The following AP3D1 variants were observed in gnomAD, a reference collection of about 807,000 sequenced individuals.
AP3D1 encodes the protein AP-3 complex subunit delta-1.
AP3D1 carries 51 observed loss-of-function variants against 147.6 expected under a neutral mutation model. The observed-to-expected ratio is 0.35, with a 90% confidence interval of 0.28 to 0.44. The LOEUF (loss-of-function observed/expected upper bound fraction) is 0.44. Ranked by LOEUF, AP3D1 falls within the 20% of genes least tolerant of loss-of-function variation. AP3D1 has a pLI of 1.00. For missense variants in AP3D1, 1,421 were observed against 1,624.2 expected (o/e 0.87, Z 2.15); for synonymous variants, 760 against 663.0 (o/e 1.15, Z -2.25).
Position 2,108,752 on chromosome 19 carries a change from C to T in AP3D1, c.3487G>A (p.Asp1163Asn). 1 of 1,571,378 alleles carries T rather than the reference C, an allele frequency of 6.4e-7. No individual in the cohort carries two copies. The highest frequency in any genetic ancestry group is 8.6e-7 in the Non-Finnish European group (1 of 1,158,596). ...CGGCTGTACATGGAGGCGCAGGAGT[C>T]CACTCGCTCCACAACTGCAACAGAG... Reference protein sequence around the residue: ...HHHFSVVERVDSCASMYSRSI... With the variant: ...HHHFSVVERVNSCASMYSRSI... The change falls in exon 31 of 32, where the codon GAC (aspartate) becomes AAC (asparagine). Residue 1163 changes from aspartate (D) to asparagine (N), a missense_variant. Asp to Asn is a conservative substitution (Grantham distance 23). Coordinates refer to ENST00000643116, the MANE Select transcript of AP3D1 (RefSeq NM_001261826.3).
Position 2,111,732 on chromosome 19 carries a change from C to G in AP3D1, c.2884G>C (p.Glu962Gln). The change falls in exon 25 of 32, where the codon GAG becomes CAG. Residue 962 changes from glutamate to glutamine, a missense_variant. Physicochemically the swap from Glu to Gln is conservative, Grantham distance 29. Coordinates refer to ENST00000643116, the MANE Select transcript of AP3D1 (RefSeq NM_001261826.3). ...KSKKQPPGSEEAAGEPVQNGA... is the reference protein window; with the variant it reads ...KSKKQPPGSEQAAGEPVQNGA... ...TTCTGCACCGGCTCCCCCGCTGCCT[C>G]CTCGCTGCCTGGAGGCTGCTTCTTG... 1 of 1,606,756 alleles carries G rather than the reference C, an allele frequency of 6.2e-7. No individual in the cohort carries two copies.
At chr19:2,108,653 G>A (rs891746338) in intron 31 of AP3D1, 34 bp downstream of exon 31, 32 of 1,551,912 alleles carry the variant, frequency 2.1e-5, no homozygotes, top group Non-Finnish European at 2.6e-5. Flanking sequence ...AGAGGTGGCA[G>A]GAGCCAGGGT....
intron 4 of AP3D1, among the ~76,000 whole-genome samples, chr19:2,133,732 G>C (rs1018652464): frequency 6.6e-6 from 1 of 151,506 alleles, no homozygotes; most frequent in Non-Finnish European, 1.5e-5. Flanking sequence ...TTGAACTCTT[G>C]ATCTCATGAT....
intron 26 of AP3D1, 71 bp downstream of exon 26, chr19:2,111,214 G>A (rs1401892973): frequency 8.2e-6 from 13 of 1,583,122 alleles, no homozygotes; most frequent in South Asian, 2.2e-5. Flanking sequence ...GGGGCTGCCC[G>A]GGTTCCGCGC....
In AP3D1 at chr19:2,160,490, C is replaced by T. The variant is rs886091284; in HGVS notation, c.-103+3866G>A. On this transcript the variant is annotated intron_variant, in intron 1 of 14. Transcript: ENST00000643010. ...CGGGGGTTGCAGTAAGCCAAGATCA[C>T]ACCATTGCACTTTAGCCTAATGACA... Among the ~76,000 whole-genome samples, 4 of 152,080 alleles carry T rather than the reference C, an allele frequency of 2.6e-5. No individual in the cohort carries two copies. In the East Asian group the frequency reaches 7.8e-4, roughly 29 times the overall value.
rs892592454 is a variant in AP3D1 at position 2,111,824 on chromosome 19, G to A, written c.2792C>T (p.Ser931Phe). Residue 931 changes from serine (S) to phenylalanine (F), a missense_variant, in exon 25 of 32, where the codon TCT becomes TTT. This residue lies in a region of AP3D1 where 791 missense variants were observed against 761.4 expected (regional missense o/e 1.04). Transcript: ENST00000643116. The stretch of plus-strand genomic sequence containing the variant: ...GTGCTTCTTCTTCTTAGGCTTGGGA[G>A]ATTTCTGGAGCAAGAGGAGGGTCGG... ...DAEGQDQDKK[S>F]PKPKKKKHRK... 8 of 1,613,798 alleles carry A rather than the reference G, an allele frequency of 5.0e-6. No homozygotes were observed. Among genetic ancestry groups the A allele is most frequent in the Non-Finnish European group, 6.8e-6 (8 of 1,179,968 alleles).
At chr19:2,114,386 G>A (rs948733151) in intron 21 of AP3D1, 84 bp from the exon 22 acceptor site, 24 of 1,169,654 alleles carry the variant, frequency 2.1e-5, no homozygotes, top group Middle Eastern at 2.0e-4. Flanking sequence ...CCAAGCATGT[G>A]GCAGTGCGGG....
intron 7 of AP3D1, 54 bp downstream of exon 7, chr19:2,129,264 G>A (rs898108485): frequency 1.4e-5 from 23 of 1,597,278 alleles, no homozygotes; most frequent in Non-Finnish European, 1.8e-5. Flanking sequence ...CCCACACAGG[G>A]TGAGGGAATG....
In AP3D1 at chr19:2,137,568, A is replaced by T. The variant is rs533578933; in HGVS notation, c.273+159T>A. On this transcript the variant is annotated intron_variant, in intron 3 of 31. Coordinates refer to ENST00000643116, the MANE Select transcript of AP3D1 (RefSeq NM_001261826.3). ...CAACCTCAGGTGATCCGCCTGTCTC[A>T]GCCTCCCAAAGTGCTGGGATTACAG... is the stretch of plus-strand genomic sequence containing the variant. Among the ~76,000 whole-genome samples, 3 of 152,226 alleles carry T rather than the reference A, an allele frequency of 2.0e-5. No homozygotes were observed. In the East Asian group the frequency reaches 5.8e-4, roughly 29 times the overall value.
In AP3D1 at chr19:2,161,451, C is replaced by T. The variant is rs551069522; in HGVS notation, c.-103+2905G>A. Among the ~76,000 whole-genome samples, 7 of 152,074 alleles carry T rather than the reference C, an allele frequency of 4.6e-5. No individual in the cohort carries two copies. The South Asian group carries it at 8.3e-4, about 18-fold the overall frequency. ...TGCTGGGATTACAGGCGTGAGTCAC[C>T]GCTCCTGGCTGTCTGGGCCTGATAA... On this transcript the variant is annotated intron_variant, in intron 1 of 14. Coordinates refer to the AP3D1 transcript ENST00000643010.
At chr19:2,115,461 G>A (rs2018419198) in intron 19 of AP3D1, 43 bp from the exon 20 acceptor site, 2 of 1,607,950 alleles carry the variant, frequency 1.2e-6, no homozygotes, top group Non-Finnish European at 1.7e-6. Context: ...TGCACCCCAG[G>A]GGCTCACGGG....
Position 2,115,520 on chromosome 19 carries a change from C to G in AP3D1, c.2149+18G>C. 1 of 1,612,218 alleles carries G rather than the reference C, an allele frequency of 6.2e-7. No individual in the cohort carries two copies. Among genetic ancestry groups the G allele is most frequent in the Admixed American group, 1.7e-5 (1 of 59,922 alleles). On this transcript the variant is annotated intron_variant, in intron 19 of 31. Coordinates refer to ENST00000643116, the MANE Select transcript of AP3D1 (RefSeq NM_001261826.3). ...GCCCATGTGACAAATGCGGCGCCGACACACCGGAGACACTTGCCTGGAACC... is the reference window on the plus strand; with the variant it reads ...GCCCATGTGACAAATGCGGCGCCGAGACACCGGAGACACTTGCCTGGAACC...
chr19:2,128,356 C>G (rs921306093), intron 8 of AP3D1, among the ~76,000 whole-genome samples: 1 of 152,126 alleles, frequency 6.6e-6, no homozygotes, highest in Non-Finnish European at 1.5e-5. Flanking sequence ...CTACAGGCTT[C>G]CAGTCTAGGA....
Position 2,123,452 on chromosome 19 carries a change from G to C in AP3D1, c.907-46C>G. 3 of 1,601,502 alleles carry C rather than the reference G, an allele frequency of 1.9e-6. 1 individual carries two copies. The South Asian group carries it at 3.3e-5, about 18-fold the overall frequency. ...ATGCTGGTTACATCCTCTAAACCAA[G>C]GGTGAGTCCCACAGGTACCCTCCAG... On this transcript the variant is annotated intron_variant, in intron 10 of 31. Coordinates refer to ENST00000643116, the MANE Select transcript of AP3D1 (RefSeq NM_001261826.3).
intron 3 of AP3D1, 28 bp downstream of exon 3, chr19:2,137,699 C>G: frequency 1.9e-6 from 3 of 1,605,182 alleles, no homozygotes; most frequent in Non-Finnish European, 2.6e-6. Context: ...CTCCCCACCC[C>G]ACCAGCCTTG....
Position 2,115,340 on chromosome 19 carries a change from C to T in AP3D1, c.2228G>A (p.Arg743Lys), listed in dbSNP as rs1030899769. The part of the protein sequence containing the change: ...HRQKLEKDKR[R>K]KKRKEKEKKG... ...CTTCTCCTTCTCCTTCCTCTTTTTCCTCCTCTTGTCCTTCTCCAGCTTCTG... is the reference window on the plus strand; with the variant it reads ...CTTCTCCTTCTCCTTCCTCTTTTTCTTCCTCTTGTCCTTCTCCAGCTTCTG... Residue 743 changes from arginine to lysine, a missense_variant, in exon 20 of 32, where the codon AGG (arginine) becomes AAG (lysine). Transcript: ENST00000643116. The T allele has an allele frequency of 6.2e-7, 1 of 1,609,880 alleles. No individual in the cohort carries two copies. The highest frequency in any genetic ancestry group is 8.5e-7 in the Non-Finnish European group (1 of 1,179,872).
chr19:2,153,795 G>A (rs981851895), upstream of AP3D1, among the ~76,000 whole-genome samples: 4 of 152,314 alleles, frequency 2.6e-5, no homozygotes, highest in South Asian at 6.2e-4. Context: ...ATATGTGTGC[G>A]TTAGCATTGC....
chr19:2,164,359 T>TC (rs1193257498), exon 1 of AP3D1: 15 of 843,934 alleles, frequency 1.8e-5, no homozygotes, highest in Non-Finnish European at 2.3e-5. Context: ...CGCTCACCGG[T>TC]CCCCCCTGCG....
At position 2,110,753 on chromosome 19, in the gene AP3D1, G is replaced by C. The variant is rs1599443148; in HGVS notation, c.3129C>G (p.Gly1043=). The C allele has an allele frequency of 6.2e-7, 1 of 1,611,134 alleles. No homozygotes were observed. Among genetic ancestry groups the C allele is most frequent in the South Asian group, 1.1e-5 (1 of 90,746 alleles). The change falls in exon 27 of 32, where the codon GGC becomes GGG. Residue 1043 remains glycine (G), a synonymous_variant. Coordinates refer to ENST00000643116, the MANE Select transcript of AP3D1 (RefSeq NM_001261826.3). ...CGGGGACGCCATCGTGGACGGAGGA[G>C]CCCTGCGGCCGGGCCATCCTGGCAT... ...SLNARMARPQ[G]SSVHDGVPVP...
Sources: gnomAD v4.1 joint callset for allele counts (sites outside exome capture counted in the v4.1 genomes callset) on GRCh38, gnomAD v4.1.1 for gene constraint, gnomAD v4.1.1 regional missense constraint, MANE v1.5 for transcripts, NCBI Gene and HGNC (gene_info 2026-07-23, HGNC 2026-07-21) for gene names.